SOX6: variants seen among roughly 807,000 people sequenced by gnomAD.
The protein encoded by SOX6 is SRY-box transcription factor 6.
Under a neutral mutation model 97.8 loss-of-function variants are expected in SOX6, and 11 were observed. The observed-to-expected ratio is 0.11, with a 90% CI of 0.07 to 0.19. The LOEUF is 0.19. Among genes scored for constraint, SOX6 ranks in the 10% least tolerant of loss-of-function variants. SOX6 has a pLI of 1.00. For missense variants in SOX6, 810 were observed against 1,039.5 expected, an observed-to-expected ratio of 0.78 and a Z score of 3.04; for synonymous variants, 360 against 371.4, an observed-to-expected ratio of 0.97 and a Z score of 0.35.
chr11:16,430,077 C>T (rs1859245648), intron 1 of SOX6, among the ~76,000 whole-genome samples: 1 of 152,190 alleles, frequency 6.6e-6, no homozygotes, highest in South Asian at 2.1e-4. Flanking sequence ...GCTCTCTGAG[C>T]TTTGGCCTCA....
At chr11:16,445,866 A>G (rs559945496) in intron 1 of SOX6, among the ~76,000 whole-genome samples, 1 of 152,240 alleles carries the variant, frequency 6.6e-6, no homozygotes, top group Admixed American at 6.5e-5. Context: ...ATTAATGCCA[A>G]ATTTTAGTTT....
chr11:16,165,080 G>A (rs368969866), intron 6 of SOX6, among the ~76,000 whole-genome samples: 2 of 152,098 alleles, frequency 1.3e-5, no homozygotes, highest in South Asian at 2.1e-4. Flanking sequence ...ATGATTTTCA[G>A]TATATTTTCT....
chr11:16,086,880 A>C (rs1342302518), intron 9 of SOX6, among the ~76,000 whole-genome samples: 1 of 152,196 alleles, frequency 6.6e-6, no homozygotes, highest in Non-Finnish European at 1.5e-5. Flanking sequence ...TGTCATACTG[A>C]CTTTGAAATT....
intron 3 of SOX6, among the ~76,000 whole-genome samples, chr11:16,301,656 T>C (rs1855260939): frequency 6.6e-6 from 1 of 152,140 alleles, no homozygotes; most frequent in Non-Finnish European, 1.5e-5. Flanking sequence ...GCTAAAGGTA[T>C]AGTCACTTCC....
At chr11:16,435,272 T>C (rs1025979625) in intron 1 of SOX6, among the ~76,000 whole-genome samples, 4 of 152,212 alleles carry the variant, frequency 2.6e-5, no homozygotes, top group African/African-American at 7.2e-5. Flanking sequence ...GGCTTGTGAT[T>C]TTAAAAACTG....
intron 1 of SOX6, among the ~76,000 whole-genome samples, chr11:16,416,790 T>G (rs1473497288): frequency 2.0e-5 from 3 of 152,352 alleles, no homozygotes; most frequent in African/African-American, 7.2e-5. Context: ...ATTTTTCCAC[T>G]TTGGGGACTA....
intron 4 of SOX6, among the ~76,000 whole-genome samples, chr11:16,567,553 A>ATTTTTTCTTTTTTTTTTTTTTTT: frequency 9.3e-6 from 1 of 107,064 alleles, no homozygotes; most frequent in Non-Finnish European, 1.9e-5. Flanking sequence ...GGTATGTCAT[A>ATTTTTTCTTTTTTTTTTTTTTTT]TTTTTTTCTT....
At chr11:16,539,360 G>A (rs1254877579) in intron 4 of SOX6, among the ~76,000 whole-genome samples, 3 of 152,152 alleles carry the variant, frequency 2.0e-5, no homozygotes, top group Non-Finnish European at 4.4e-5. Context: ...GCCCACAAGA[G>A]AAAGCAGGAA....
intron 12 of SOX6, among the ~76,000 whole-genome samples, chr11:16,035,548 C>T (rs1855497462): frequency 6.6e-6 from 1 of 152,128 alleles, no homozygotes; most frequent in Admixed American, 6.6e-5. Context: ...TATTATCCAC[C>T]TCACCTATTA....
intron 15 of SOX6, among the ~76,000 whole-genome samples, chr11:15,976,568 C>T (rs1334920222): frequency 6.6e-6 from 1 of 151,702 alleles, no homozygotes; most frequent in Non-Finnish European, 1.5e-5. Flanking sequence ...ATGCTTTGGA[C>T]TCTCCGTGAG....
intron 4 of SOX6, among the ~76,000 whole-genome samples, chr11:16,554,404 C>A (rs1317182815): frequency 6.6e-6 from 1 of 152,076 alleles, no homozygotes; most frequent in Admixed American, 6.6e-5. Context: ...TCTCTCCCAT[C>A]CTATTTTCCT....
chr11:16,240,359 A>T (rs1378377467), intron 3 of SOX6, among the ~76,000 whole-genome samples: 5 of 150,202 alleles, frequency 3.3e-5, no homozygotes, highest in Non-Finnish European at 7.4e-5. Flanking sequence ...TGTTAGATGC[A>T]AGATTTTGGA....
At chr11:16,143,237 T>C (rs1362873176) in intron 6 of SOX6, among the ~76,000 whole-genome samples, 1 of 152,180 alleles carries the variant, frequency 6.6e-6, no homozygotes, top group Non-Finnish European at 1.5e-5. Context: ...CAGAATTCCA[T>C]ATCCAGCCAA....
At chr11:16,324,072 T>C (rs1241824903) in intron 2 of SOX6, among the ~76,000 whole-genome samples, 4 of 151,966 alleles carry the variant, frequency 2.6e-5, no homozygotes, top group African/African-American at 9.7e-5. Flanking sequence ...TGCTCCCAGC[T>C]GCTTGGGAGG....
intron 13 of SOX6, among the ~76,000 whole-genome samples, chr11:15,993,179 C>T (rs1278265676): frequency 6.6e-6 from 1 of 152,120 alleles, no homozygotes; most frequent in Non-Finnish European, 1.5e-5. Flanking sequence ...TTACAGCATA[C>T]TATAAATTGT....
intron 3 of SOX6, among the ~76,000 whole-genome samples, chr11:16,680,924 A>G (rs964497730): frequency 6.6e-6 from 1 of 152,212 alleles, no homozygotes. Flanking sequence ...CTAAATATAT[A>G]TGCACCCAAA....
At chr11:16,640,745 T>A (rs1280053877) in intron 3 of SOX6, among the ~76,000 whole-genome samples, 2 of 152,224 alleles carry the variant, frequency 1.3e-5, no homozygotes, top group East Asian at 3.8e-4. Context: ...TTCTGTGGGA[T>A]CGGTGGTGAT....
At chr11:16,429,776 T>C (rs1859233844) in intron 1 of SOX6, among the ~76,000 whole-genome samples, 1 of 152,090 alleles carries the variant, frequency 6.6e-6, no homozygotes, top group Non-Finnish European at 1.5e-5. Context: ...TGAACCCCTA[T>C]GACACAAGCT....
At chr11:16,671,783 G>A (rs955365549) in intron 3 of SOX6, among the ~76,000 whole-genome samples, 3 of 152,208 alleles carry the variant, frequency 2.0e-5, no homozygotes, top group African/African-American at 7.2e-5. Flanking sequence ...ACAGTCAGAT[G>A]TAGGAAATAC....
Sources: gnomAD v4.1 joint callset for allele counts (sites outside exome capture counted in the v4.1 genomes callset) on GRCh38, gnomAD v4.1.1 for gene constraint, MANE v1.5 for transcripts, NCBI Gene and HGNC (gene_info 2026-07-23, HGNC 2026-07-21) for gene names.